PCDH15: variants seen among roughly 807,000 people sequenced by gnomAD.
PCDH15 encodes protocadherin-15.
A neutral mutation model predicts 178.5 loss-of-function variants in PCDH15; 129 were observed. The observed-to-expected ratio is 0.72, with a 90% CI of 0.63 to 0.84. The LOEUF (loss-of-function observed/expected upper bound fraction) is 0.84. Among genes scored for constraint, PCDH15 ranks in the 40% least tolerant of loss-of-function variants. PCDH15 has a pLI of 0.00. For missense variants in PCDH15, 2,230 were observed against 2,099.9 expected, an observed-to-expected ratio of 1.06 and a Z score of -1.21; for synonymous variants, 800 against 732.0, an observed-to-expected ratio of 1.09 and a Z score of -1.50.
intron 2 of PCDH15, among the ~76,000 whole-genome samples, chr10:55,093,024 T>C (rs1158139315): frequency 6.6e-6 from 1 of 152,052 alleles, no homozygotes; most frequent in Non-Finnish European, 1.5e-5. Context: ...TACAGATATA[T>C]AGCACAATGA....
At chr10:54,331,679 C>T (rs1258461304) in intron 6 of PCDH15, among the ~76,000 whole-genome samples, 1 of 151,910 alleles carries the variant, frequency 6.6e-6, no homozygotes, top group African/African-American at 2.4e-5. Flanking sequence ...ATTTTAGTGA[C>T]TCAATAATAT....
At chr10:55,409,808 T>C (rs1197371981) in intron 2 of PCDH15, among the ~76,000 whole-genome samples, 8 of 152,022 alleles carry the variant, frequency 5.3e-5, no homozygotes, top group Non-Finnish European at 1.2e-4. Context: ...AATTTGCCCT[T>C]GAGAAAGCAA....
intron 8 of PCDH15, among the ~76,000 whole-genome samples, chr10:54,303,700 C>T (rs554326901): frequency 6.6e-6 from 1 of 152,078 alleles, no homozygotes; most frequent in South Asian, 2.1e-4. Context: ...ATATTTATAA[C>T]CTAAGTATAC....
chr10:54,926,259 G>T (rs1484268968), intron 2 of PCDH15, among the ~76,000 whole-genome samples: 2 of 152,028 alleles, frequency 1.3e-5, no homozygotes, highest in Admixed American at 6.6e-5. Context: ...GTATTGATTT[G>T]AGTATGTTGA....
intron 2 of PCDH15, among the ~76,000 whole-genome samples, chr10:55,592,215 C>T (rs1163648442): frequency 2.6e-5 from 4 of 152,108 alleles, no homozygotes; most frequent in Non-Finnish European, 5.9e-5. Context: ...CTCTGTGCAC[C>T]CAGGAGGCTG....
chr10:55,437,645 AAAAAAAT>A (rs1160358516), intron 2 of PCDH15, among the ~76,000 whole-genome samples: 1 of 152,078 alleles, frequency 6.6e-6, no homozygotes, highest in East Asian at 1.9e-4. Flanking sequence ...TAAAAGAACC[AAAAAAAT>A]CAAACTAAAT....
At chr10:55,109,282 G>A (rs778969461) in intron 2 of PCDH15, among the ~76,000 whole-genome samples, 13 of 152,092 alleles carry the variant, frequency 8.5e-5, no homozygotes, top group African/African-American at 2.4e-4. Context: ...TTTAAACTTC[G>A]CAAATTTCTT....
chr10:54,510,118 T>C (rs1255126216), intron 3 of PCDH15, among the ~76,000 whole-genome samples: 3 of 152,220 alleles, frequency 2.0e-5, no homozygotes, highest in African/African-American at 7.2e-5. Flanking sequence ...TGTGGTTTTG[T>C]TCAGTTTCAA....
Position 53,940,903 on chromosome 10 carries a change from T to C in PCDH15, c.3195A>G (p.Gln1065=), listed in dbSNP as rs776720353. The change falls in exon 24 of 38, where the codon CAA becomes CAG. Residue 1065 remains glutamine (Q), a synonymous_variant. Coordinates refer to ENST00000644397, the MANE Select transcript of PCDH15 (RefSeq NM_001384140.1). ...VGVISAAAIN[Q]SIVYSIVSGN... ...CTGAAACAATGGAGTACACAATACT[T>C]TGATTAATGGCAGCAGCAGAAATTA... 6 of 1,613,590 alleles carry C rather than the reference T, an allele frequency of 3.7e-6. No individual in the cohort carries two copies. The highest frequency in any genetic ancestry group is 5.1e-6 in the Non-Finnish European group (6 of 1,179,666).
chr10:54,140,627 C>T (rs1318618606), intron 14 of PCDH15, among the ~76,000 whole-genome samples: 1 of 150,906 alleles, frequency 6.6e-6, no homozygotes, highest in Non-Finnish European at 1.5e-5. Flanking sequence ...TGCCACCTCA[C>T]CTGGCTAATT....
At chr10:54,399,202 T>G (rs1951625174) in intron 3 of PCDH15, among the ~76,000 whole-genome samples, 1 of 151,924 alleles carries the variant, frequency 6.6e-6, no homozygotes, top group Non-Finnish European at 1.5e-5. Context: ...CTACCTACTC[T>G]CAGTGAAGAG....
intron 6 of PCDH15, among the ~76,000 whole-genome samples, chr10:54,330,266 T>G (rs1391127191): frequency 6.6e-6 from 1 of 151,676 alleles, no homozygotes; most frequent in Admixed American, 6.6e-5. Flanking sequence ...TATTATAGAG[T>G]GTAGATTCAC....
chr10:54,941,854 T>G (rs1838071596), intron 2 of PCDH15, among the ~76,000 whole-genome samples: 1 of 152,100 alleles, frequency 6.6e-6, no homozygotes, highest in Admixed American at 6.6e-5. Context: ...GATCTTCAAA[T>G]GATTCAGCCT....
intron 2 of PCDH15, among the ~76,000 whole-genome samples, chr10:54,624,122 A>T (rs1838936815): frequency 6.6e-6 from 1 of 152,174 alleles, no homozygotes; most frequent in Admixed American, 6.6e-5. Flanking sequence ...AAATATGTTA[A>T]TTAGTTTTAT....
intron 16 of PCDH15, among the ~76,000 whole-genome samples, chr10:54,080,604 T>C (rs992042876): frequency 1.3e-5 from 2 of 152,192 alleles, no homozygotes; most frequent in Non-Finnish European, 2.9e-5. Context: ...CATATGGTAG[T>C]TGAGTACAGA....
At chr10:55,530,893 T>G (rs547123135) in intron 2 of PCDH15, among the ~76,000 whole-genome samples, 1 of 152,132 alleles carries the variant, frequency 6.6e-6, no homozygotes, top group South Asian at 2.1e-4. Flanking sequence ...TTTCAATAGT[T>G]TGTGTACAGT....
At chr10:54,709,955 C>T (rs1566002989) in intron 1 of PCDH15, among the ~76,000 whole-genome samples, 1 of 148,120 alleles carries the variant, frequency 6.8e-6, no homozygotes, top group Non-Finnish European at 1.5e-5. Context: ...ATATATATTA[C>T]ATATTTATAT....
At chr10:55,190,668 G>A (rs1392672280) in intron 1 of PCDH15, among the ~76,000 whole-genome samples, 1 of 151,466 alleles carries the variant, frequency 6.6e-6, no homozygotes, top group Non-Finnish European at 1.5e-5. Context: ...AATACCAACT[G>A]CACATCAATA....
intron 2 of PCDH15, among the ~76,000 whole-genome samples, chr10:55,558,733 C>G (rs1470547795): frequency 6.6e-6 from 1 of 151,930 alleles, no homozygotes; most frequent in Non-Finnish European, 1.5e-5. Flanking sequence ...CTCAAATGAC[C>G]TAGTAATATC....
Sources: gnomAD v4.1 joint callset for allele counts (sites outside exome capture counted in the v4.1 genomes callset) on GRCh38, gnomAD v4.1.1 for gene constraint, MANE v1.5 for transcripts, NCBI Gene and HGNC (gene_info 2026-07-23, HGNC 2026-07-21) for gene names.